Variants in SYTL2 observed in about 807,000 individuals in gnomAD.
SYTL2 encodes the protein synaptotagmin-like protein 2.
SYTL2 carries 165 observed loss-of-function variants against 198.7 expected under a neutral mutation model. The ratio of observed to expected loss-of-function variants is 0.83; its 90% confidence interval spans 0.73 to 0.94. The LOEUF is 0.94. SYTL2 is among the 40% of genes least tolerant of loss of function. The pLI is 0.00. For missense variants in SYTL2, 2,835 were observed against 2,582.8 expected (o/e 1.10, Z -2.12); for synonymous variants, 966 against 917.7 (o/e 1.05, Z -0.95).
At chr11:85,699,331 T>C (rs1339611725) in intron 17 of SYTL2, among the ~76,000 whole-genome samples, 2 of 152,070 alleles carry the variant, frequency 1.3e-5, no homozygotes, top group African/African-American at 2.4e-5. Context: ...AAAAACTACG[T>C]GGACAAAAAT....
At chr11:85,829,048 TG>T in the SYTL2 span, among the ~76,000 whole-genome samples, 378 of 99,800 alleles carry the variant, frequency 3.8e-3, 1 homozygote, top group South Asian at 0.018. Flanking sequence ...AAAAGAGCTC[TG>T]TTTTTTTTTT....
chr11:85,752,349 T>G (rs12795475), intron 2 of SYTL2, among the ~76,000 whole-genome samples: 199 of 152,222 alleles, frequency 1.3e-3, no homozygotes, highest in Admixed American at 2.7e-3. Context: ...ACTTTCTAGA[T>G]AAAATGATAG....
intron 1 of SYTL2, among the ~76,000 whole-genome samples, chr11:85,770,920 G>A (rs2092342123): frequency 6.6e-6 from 1 of 152,192 alleles, no homozygotes. Context: ...ATATAATGTG[G>A]CCCTATTATA....
At chr11:85,745,597 A>C (rs778806106) in intron 4 of SYTL2, 40 bp downstream of exon 4, 1 of 1,592,144 alleles carries the variant, frequency 6.3e-7, no homozygotes, top group East Asian at 2.3e-5. Context: ...CAGGCCATGA[A>C]AGCCACATGC....
At position 85,727,015 on chromosome 11, in the gene SYTL2, C is replaced by G. The variant is rs932920223; in HGVS notation, c.2343G>C (p.Lys781Asn). ...TGTATTTCTCTCTCTGCACTTGGTT[C>G]TTGGGAACCTCACCAGCTTCTTGCT... ...QFQQEAGEVPKNQVQREKYKR... is the reference protein window; with the variant it reads ...QFQQEAGEVPNNQVQREKYKR... Residue 781 changes from lysine (K) to asparagine (N), a missense_variant, in exon 8 of 20, where the codon AAG (lysine) becomes AAC (asparagine). Physicochemically the swap from Lys to Asn is moderately conservative, Grantham distance 94. Coordinates refer to ENST00000359152, the MANE Select transcript of SYTL2 (RefSeq NM_206927.4). 1 of 1,536,542 alleles carries G rather than the reference C, an allele frequency of 6.5e-7. No individual in the cohort carries two copies. Among genetic ancestry groups the G allele is most frequent in the African/African-American group, 1.4e-5 (1 of 73,172 alleles).
At chr11:85,842,866 T>C in the SYTL2 span, among the ~76,000 whole-genome samples, 1 of 152,198 alleles carries the variant, frequency 6.6e-6, no homozygotes, top group East Asian at 1.9e-4. Flanking sequence ...TTGGGACCTG[T>C]ACTAGGGAGG....
Position 85,724,883 on chromosome 11 carries a change from G to A in SYTL2, c.4475C>T (p.Ser1492Leu), listed in dbSNP as rs771035410. Reference protein sequence around the residue: ...IVRETIVQPKSEFLEFSAGLE... With the variant: ...IVRETIVQPKLEFLEFSAGLE... ...GCCAGCACTGAATTCGAGGAACTCT[G>A]ATTTGGGTTGAACAATTGTTTCCCT... Residue 1492 changes from serine (S) to leucine (L), a missense_variant, in exon 8 of 20, where the codon TCA becomes TTA. Transcript: ENST00000359152. 6.2e-7 allele frequency: 1 copy of A among 1,614,110 alleles called. No individual in the cohort carries two copies. The highest frequency in any genetic ancestry group is 8.5e-7 in the Non-Finnish European group (1 of 1,179,996).
intron 4 of SYTL2, among the ~76,000 whole-genome samples, chr11:85,743,289 T>C (rs1307270072): frequency 1.3e-5 from 2 of 152,114 alleles, no homozygotes; most frequent in Non-Finnish European, 2.9e-5. Flanking sequence ...CTGAGTAAGG[T>C]AGTAGTTTCT....
At chr11:85,823,491 G>T in the SYTL2 span, among the ~76,000 whole-genome samples, 2 of 152,154 alleles carry the variant, frequency 1.3e-5, no homozygotes, top group African/African-American at 4.8e-5. Context: ...AGAAGGTAAA[G>T]ATATAGTTTA....
chr11:85,749,588 G>C (rs1362603222), intron 2 of SYTL2, among the ~76,000 whole-genome samples: 2 of 152,268 alleles, frequency 1.3e-5, no homozygotes, highest in South Asian at 2.1e-4. Context: ...CTTCCACCCA[G>C]AGTAAACTCT....
Position 85,725,638 on chromosome 11 carries a change from G to C in SYTL2, c.3720C>G (p.Asn1240Lys), listed in dbSNP as rs556704728. The C allele has an allele frequency of 4.5e-5, 72 of 1,614,156 alleles. No individual in the cohort carries two copies. In the South Asian group the frequency reaches 7.6e-4, roughly 17 times the overall value. Reference sequence around the variant, plus strand: ...AAAATCTCCCCTCTTCCAGCTTAGAGTTGGTTCCAGTGATAACAGGCGCCA... The same window carrying C: ...AAAATCTCCCCTCTTCCAGCTTAGACTTGGTTCCAGTGATAACAGGCGCCA... ...AKLAPVITGT[N>K]SKLEEGRFFG... Residue 1240 changes from asparagine to lysine, a missense_variant, in exon 8 of 20, where the codon AAC (asparagine) becomes AAG (lysine). Transcript: ENST00000359152.
At chr11:85,768,231 T>G (rs146971260) in intron 1 of SYTL2, among the ~76,000 whole-genome samples, 1 of 152,328 alleles carries the variant, frequency 6.6e-6, no homozygotes, top group East Asian at 1.9e-4. Flanking sequence ...CTTACCATCC[T>G]CTAAAGAGAC....
At chr11:85,734,870 C>T in intron 6 of SYTL2, 128 bp from the exon 7 acceptor site, 1 of 743,824 alleles carries the variant, frequency 1.3e-6, no homozygotes, top group Non-Finnish European at 2.1e-6. Context: ...GTATGTGGCA[C>T]AACTACAGGC....
the SYTL2 span, among the ~76,000 whole-genome samples, chr11:85,824,123 A>G: frequency 2.6e-5 from 4 of 152,294 alleles, no homozygotes; most frequent in Admixed American, 6.5e-5. Flanking sequence ...TGTTTTAACT[A>G]TGATGTGGTT....
In SYTL2 at chr11:85,727,072, G is replaced by T; in HGVS notation, c.2286C>A (p.Gly762=). The T allele has an allele frequency of 6.5e-7, 1 of 1,536,092 alleles. No homozygotes were observed. Among genetic ancestry groups the T allele is most frequent in the Non-Finnish European group, 8.7e-7 (1 of 1,146,880 alleles). Residue 762 remains glycine (G), a synonymous_variant, in exon 8 of 20, where the codon GGC becomes GGA. Transcript: ENST00000359152. ...GGACCTCAGGCTTCTTCCAAGGAGA[G>T]CCATTGTTGGCAACCCCAGGTGTTG... ...IKSTPGVANN[G]SPWKKPEVQF...
chr11:85,854,052 G>C, the SYTL2 span: 2 of 151,954 alleles, frequency 1.3e-5, no homozygotes, highest in African/African-American at 4.8e-5. Flanking sequence ...GCCTACGCTG[G>C]TCTCAAACTC....
chr11:85,724,009 G>C, intron 8 of SYTL2, 23 bp downstream of exon 8: 2 of 1,392,468 alleles, frequency 1.4e-6, no homozygotes, highest in Middle Eastern at 1.9e-4. Context: ...CTCACTGTGA[G>C]TTAAAAAATT....
chr11:85,713,828 G>A (rs2086717782), intron 12 of SYTL2, among the ~76,000 whole-genome samples: 1 of 152,100 alleles, frequency 6.6e-6, no homozygotes, highest in African/African-American at 2.4e-5. Flanking sequence ...TTAACAGCAG[G>A]CAACTTGGAT....
At chr11:85,787,334 A>T (rs1456761344) in intron 1 of SYTL2, among the ~76,000 whole-genome samples, 1 of 152,172 alleles carries the variant, frequency 6.6e-6, no homozygotes, top group Non-Finnish European at 1.5e-5. Flanking sequence ...AAATGTTTTC[A>T]CCCTTCCATA....
Sources: gnomAD v4.1 joint callset for allele counts (sites outside exome capture counted in the v4.1 genomes callset) on GRCh38, gnomAD v4.1.1 for gene constraint, MANE v1.5 for transcripts, NCBI Gene and HGNC (gene_info 2026-07-23, HGNC 2026-07-21) for gene names.